SEC14L5: variants seen among roughly 807,000 people sequenced by gnomAD.
SEC14L5 encodes SEC14-like protein 5.
Under a neutral mutation model 84.6 loss-of-function variants are expected in SEC14L5, and 96 were observed. That is an observed-to-expected ratio of 1.13 (90% CI 0.96 to 1.34). The LOEUF is 1.34. Among genes scored for constraint, SEC14L5 ranks in the 40% most tolerant of loss-of-function variants. SEC14L5 has a pLI of 0.00. For missense variants in SEC14L5, 1,224 were observed against 942.5 expected, an observed-to-expected ratio of 1.30 and a Z score of -3.91; for synonymous variants, 546 against 383.4, an observed-to-expected ratio of 1.42 and a Z score of -4.95.
At chr16:5,005,879 A>AAAAC (rs1955725611) in intron 11 of SEC14L5, 35 bp from the exon 12 acceptor site, 3 of 1,510,244 alleles carry the variant, frequency 2.0e-6, no homozygotes, top group South Asian at 2.6e-5. Context: ...AAAAAAAAAA[A>AAAAC]AAACCATCCA....
chr16:4,975,868 G>C (rs7206373), intron 2 of SEC14L5, among the ~76,000 whole-genome samples: 62,212 of 151,908 alleles, frequency 0.41, 13,247 homozygotes, highest in Non-Finnish European at 0.47. Context: ...CCCAAATCAG[G>C]CCTGCAGAAT....
In SEC14L5 at chr16:5,016,683, C is replaced by T. The variant is rs1203238333; in HGVS notation, c.*1713C>T. On this transcript the variant is annotated 3_prime_UTR_variant, in exon 16 of 16. Transcript: ENST00000251170. Reference sequence around the variant, plus strand: ...ACTGAGCCAAGGGGTGGTTTTGTGGCCACAAGAATCATCTTTATGCAGGCT... The same window carrying T: ...ACTGAGCCAAGGGGTGGTTTTGTGGTCACAAGAATCATCTTTATGCAGGCT... The T allele has an allele frequency of 2.0e-5, 3 of 152,120 alleles. No homozygotes were observed. The highest frequency in any genetic ancestry group is 4.4e-5 in the Non-Finnish European group (3 of 68,022). The allele number at this position is 152,120 out of a possible 1,614,324, so 9.4% of individuals were successfully genotyped here.
At position 4,984,110 on chromosome 16, in the gene SEC14L5, A is replaced by G. The variant is rs539131936; in HGVS notation, c.64-3447A>G. On this transcript the variant is annotated intron_variant, in intron 2 of 15. Coordinates refer to ENST00000251170, the MANE Select transcript of SEC14L5 (RefSeq NM_014692.2). Reference sequence around the variant, plus strand: ...ATAATATTGTGCAAGCTTCACCGCAATCAGCTTTAGAATAGTCTCATTACC... The same window carrying G: ...ATAATATTGTGCAAGCTTCACCGCAGTCAGCTTTAGAATAGTCTCATTACC... Among the ~76,000 whole-genome samples the G allele has an allele frequency of 4.6e-5, 7 of 152,260 alleles. No individual in the cohort carries two copies. In the South Asian group the frequency reaches 1.2e-3, roughly 27 times the overall value.
intron 8 of SEC14L5, among the ~76,000 whole-genome samples, chr16:4,999,839 T>C (rs913627382): frequency 1.3e-5 from 2 of 150,386 alleles, no homozygotes; most frequent in African/African-American, 2.5e-5. Flanking sequence ...CGCTTGAACC[T>C]GGGAGGCAGA....
chr16:5,011,819 T>C (rs1408922366), intron 15 of SEC14L5, among the ~76,000 whole-genome samples: 1 of 151,952 alleles, frequency 6.6e-6, no homozygotes, highest in Non-Finnish European at 1.5e-5. Flanking sequence ...GTCATGAGGA[T>C]GAGATGGCTG....
chr16:5,009,816 A>G (rs754354896), intron 14 of SEC14L5, among the ~76,000 whole-genome samples: 12 of 152,010 alleles, frequency 7.9e-5, no homozygotes, highest in Admixed American at 2.6e-4. Context: ...ATGGACGAAG[A>G]CCTTGAGTTG....
Position 5,007,416 on chromosome 16 carries a change from AC to A in SEC14L5, c.1503del (p.His501GlnfsTer73). 2 of 1,613,800 alleles carry A rather than the reference AC, an allele frequency of 1.2e-6. No individual in the cohort carries two copies. The highest frequency in any genetic ancestry group is 1.7e-6 in the Non-Finnish European group (2 of 1,179,784). ...SLYMTEEEQE[H>X]TDQLWQWSET... is the part of the protein sequence containing the mutation. ...TACATGACAGAAGAGGAGCAGGAGCACACGGACCAGCTGTGGCAGTGGAGTG... is the reference window on the plus strand; with the variant it reads ...TACATGACAGAAGAGGAGCAGGAGCAACGGACCAGCTGTGGCAGTGGAGTG... On this transcript the variant is annotated frameshift_variant, in exon 13 of 16. Transcript: ENST00000251170. LOFTEE classifies it high-confidence loss of function.
chr16:4,981,406 C>G (rs1458137848), intron 2 of SEC14L5, among the ~76,000 whole-genome samples: 1 of 151,978 alleles, frequency 6.6e-6, no homozygotes, highest in African/African-American at 2.4e-5. Context: ...GCCACCGCGC[C>G]TGGTCTCGTC....
intron 2 of SEC14L5, among the ~76,000 whole-genome samples, chr16:4,971,659 C>A (rs76423329): frequency 9.2e-5 from 14 of 152,268 alleles, no homozygotes; most frequent in African/African-American, 1.9e-4. Flanking sequence ...CTTTGGGCTG[C>A]GCACCTGCTG....
intron 2 of SEC14L5, among the ~76,000 whole-genome samples, chr16:4,979,967 G>A (rs1389401931): frequency 1.3e-5 from 2 of 152,130 alleles, no homozygotes; most frequent in African/African-American, 2.4e-5. Context: ...CCAAGCCACC[G>A]ATGCTTGTGA....
intron 2 of SEC14L5, among the ~76,000 whole-genome samples, chr16:4,973,632 G>C (rs1056904017): frequency 6.6e-6 from 1 of 151,934 alleles, no homozygotes; most frequent in East Asian, 1.9e-4. Context: ...AGTGAGAGAG[G>C]TCAGAGGCAG....
At position 4,959,392 on chromosome 16, in the gene SEC14L5, T is replaced by G. The variant is rs1354557509; in HGVS notation, c.63+6T>G. The G allele has an allele frequency of 1.2e-6, 2 of 1,613,142 alleles. No individual in the cohort carries two copies. The highest frequency in any genetic ancestry group is 1.7e-6 in the Non-Finnish European group (2 of 1,179,162). Reference sequence around the variant, plus strand: ...CGTTTGAGCTGGTCATGGCGGTGAGTGACTCCTGATTCTTGGGCCCCCATG... The same window carrying G: ...CGTTTGAGCTGGTCATGGCGGTGAGGGACTCCTGATTCTTGGGCCCCCATG... On this transcript the variant is annotated splice_donor_region_variant and intron_variant, in intron 2 of 15. Transcript: ENST00000251170.
chr16:5,004,179 G>T (rs1367336092), intron 11 of SEC14L5, among the ~76,000 whole-genome samples: 1 of 152,206 alleles, frequency 6.6e-6, no homozygotes, highest in Non-Finnish European at 1.5e-5. Context: ...GATGTACAGG[G>T]GCAATAGGGA....
chr16:4,966,548 A>G (rs1295001918), intron 2 of SEC14L5, among the ~76,000 whole-genome samples: 2 of 152,164 alleles, frequency 1.3e-5, no homozygotes, highest in Non-Finnish European at 2.9e-5. Flanking sequence ...TGCTGGGATT[A>G]CAGGCGTGAG....
intron 2 of SEC14L5, among the ~76,000 whole-genome samples, chr16:4,974,585 A>C (rs554763949): frequency 7.4e-6 from 1 of 134,344 alleles, no homozygotes; most frequent in African/African-American, 2.6e-5. Flanking sequence ...TTTTTATTTA[A>C]ACAGTTTTTG....
In SEC14L5 at chr16:4,991,954, G is replaced by T; in HGVS notation, c.591G>T (p.Pro197=). 1 of 1,596,972 alleles carries T rather than the reference G, an allele frequency of 6.3e-7. No individual in the cohort carries two copies. Among genetic ancestry groups the T allele is most frequent in the African/African-American group, 1.3e-5 (1 of 74,874 alleles). ...REEDARNQAG[P]RDPSSLEAHG... ...AGGATGCCCGCAACCAGGCTGGACC[G>T]AGGGACCCCAGCTCCCTGGAGGCCC... The change falls in exon 6 of 16, where the codon CCG becomes CCT. Residue 197 remains proline (P), a synonymous_variant. Transcript: ENST00000251170.
intron 15 of SEC14L5, among the ~76,000 whole-genome samples, chr16:5,011,746 C>G (rs926754785): frequency 6.6e-6 from 1 of 152,184 alleles, no homozygotes; most frequent in East Asian, 1.9e-4. Context: ...CACTTTTCCT[C>G]TTTGAGCCTC....
chr16:5,007,397 A>G lies in SEC14L5; in HGVS notation c.1483A>G (p.Thr495Ala). 2 of 1,613,342 alleles carry G rather than the reference A, an allele frequency of 1.2e-6. No homozygotes were observed. Among genetic ancestry groups the G allele is most frequent in the Non-Finnish European group, 1.7e-6 (2 of 1,179,394 alleles). ...GGLVPKSLYMTEEEQEHTDQL... is the reference protein window; with the variant it reads ...GGLVPKSLYMAEEEQEHTDQL... ...GCTGGTCCCCAAGTCCCTCTACATG[A>G]CAGAAGAGGAGCAGGAGCACACGGA... The change falls in exon 13 of 16, where the codon ACA becomes GCA. Residue 495 changes from threonine (T) to alanine (A), a missense_variant. Coordinates refer to ENST00000251170, the MANE Select transcript of SEC14L5 (RefSeq NM_014692.2).
At chr16:5,010,149 C>A (rs1955781983) in intron 14 of SEC14L5, among the ~76,000 whole-genome samples, 1 of 135,672 alleles carries the variant, frequency 7.4e-6, no homozygotes, top group Non-Finnish European at 1.5e-5. Context: ...TCGAGACCAG[C>A]CTGGCCAACA....
Sources: gnomAD v4.1 joint callset for allele counts (sites outside exome capture counted in the v4.1 genomes callset) on GRCh38, gnomAD v4.1.1 for gene constraint, MANE v1.5 for transcripts, NCBI Gene and HGNC (gene_info 2026-07-23, HGNC 2026-07-21) for gene names.